The following TXNRD3 variants were observed in gnomAD, a reference collection of about 807,000 sequenced individuals.
The protein encoded by TXNRD3 is TXNRD3 neighbor gene protein.
In TXNRD3, 68 loss-of-function variants were observed where a neutral mutation model predicts 78.2. The observed-to-expected ratio is 0.87, with a 90% CI of 0.72 to 1.06. The LOEUF (loss-of-function observed/expected upper bound fraction) is 1.06. TXNRD3 is among the 50% of genes least tolerant of loss of function. The pLI is 0.00. For missense variants in TXNRD3, 751 were observed against 809.5 expected (o/e 0.93, Z 0.88); for synonymous variants, 296 against 300.1 (o/e 0.99, Z 0.14).
chr3:126,633,881 T>C (rs1311142827), intron 7 of TXNRD3, 28 bp downstream of exon 7: 21 of 1,445,040 alleles, frequency 1.5e-5, no homozygotes, highest in Non-Finnish European at 1.8e-5. Context: ...AGAAAGGAGA[T>C]GAACAAGACA....
rs896697173 is a variant in TXNRD3 at position 126,646,280 on chromosome 3, TAAAC to T, written c.305-64_305-61del. ...AAAAGAGTTTCAAATCTTTGTGAGT[TAAAC>T]AAAGTGTTACAACACTCAAATGTTC... On this transcript the variant is annotated intron_variant, in intron 2 of 15. Coordinates refer to ENST00000524230, the MANE Select transcript of TXNRD3 (RefSeq NM_052883.3). 5.2e-4 allele frequency: 658 copies of T among 1,271,512 alleles called. 2 individuals are homozygous for T. Among genetic ancestry groups the T allele is most frequent in the South Asian group, 9.6e-4 (65 of 67,684 alleles). The allele number at this position is 1,271,512 out of a possible 1,614,324, so 78.8% of individuals were successfully genotyped here.
chr3:126,644,292 C>T lies in TXNRD3; in HGVS notation c.519+5G>A. 1 of 1,534,516 alleles carries T rather than the reference C, an allele frequency of 6.5e-7. No homozygotes were observed. The highest frequency in any genetic ancestry group is 1.2e-5 in the South Asian group (1 of 83,956). ...TATCTACGAGTTTCATTTCTATATT[C>T]ATACCTTCGCACATGAAAGGCCTCC... On this transcript the variant is annotated splice_donor_5th_base_variant and intron_variant, in intron 4 of 15. Transcript: ENST00000524230.
At chr3:126,622,315 T>G in intron 11 of TXNRD3, 149 bp downstream of exon 11, 1 of 559,356 alleles carries the variant, frequency 1.8e-6, no homozygotes, top group Non-Finnish European at 3.0e-6. Context: ...AGTTACTGAT[T>G]GATGAAGAAA....
intron 12 of TXNRD3, among the ~76,000 whole-genome samples, 171 bp from the exon 13 acceptor site, chr3:126,615,633 G>C (rs1324573788): frequency 6.6e-6 from 1 of 152,118 alleles, no homozygotes; most frequent in Non-Finnish European, 1.5e-5. Context: ...ATCTGGGATG[G>C]GCCCCTGACT....
chr3:126,609,072 G>A, intron 14 of TXNRD3: 1 of 329,786 alleles, frequency 3.0e-6, no homozygotes. Flanking sequence ...CAAAGGAGAG[G>A]CTGGTGCAGG....
chr3:126,653,830 C>G (rs1933444551), intron 1 of TXNRD3, among the ~76,000 whole-genome samples: 1 of 152,078 alleles, frequency 6.6e-6, no homozygotes, highest in Non-Finnish European at 1.5e-5. Context: ...CGATTCATCC[C>G]AGGGAATAGT....
chr3:126,648,872 G>A (rs1933303129), intron 1 of TXNRD3, among the ~76,000 whole-genome samples: 1 of 152,190 alleles, frequency 6.6e-6, no homozygotes, highest in African/African-American at 2.4e-5. Flanking sequence ...TGAAACTCTT[G>A]TTCATCAAAG....
At chr3:126,627,118 C>A (rs971853023) in intron 10 of TXNRD3, among the ~76,000 whole-genome samples, 2 of 152,076 alleles carry the variant, frequency 1.3e-5, no homozygotes, top group Non-Finnish European at 2.9e-5. Flanking sequence ...AAGCTTTCCA[C>A]AAAGAATCTT....
At chr3:126,643,533 A>G (rs1364510606) in intron 5 of TXNRD3, among the ~76,000 whole-genome samples, 2 of 152,212 alleles carry the variant, frequency 1.3e-5, no homozygotes, top group East Asian at 3.8e-4. Flanking sequence ...TTACGTGACC[A>G]CGACACAGTA....
At chr3:126,641,229 T>C (rs1292229647) in intron 6 of TXNRD3, among the ~76,000 whole-genome samples, 1 of 152,178 alleles carries the variant, frequency 6.6e-6, no homozygotes, top group African/African-American at 2.4e-5. Context: ...GGAGTTTTTT[T>C]CTGCTTGCTA....
chr3:126,646,229 GA>G lies in TXNRD3; in HGVS notation c.305-10del. 1.5e-5 allele frequency: 22 copies of G among 1,499,124 alleles called. No individual in the cohort carries two copies. The highest frequency in any genetic ancestry group is 1.8e-5 in the Non-Finnish European group (21 of 1,135,972). 92.9% of individuals were successfully genotyped at this position (1,499,124 alleles called of 1,614,324 possible). On this transcript the variant is annotated splice_polypyrimidine_tract_variant and intron_variant, in intron 2 of 15. Coordinates refer to ENST00000524230, the MANE Select transcript of TXNRD3 (RefSeq NM_052883.3). The stretch of plus-strand genomic sequence containing the variant: ...AACCCTGGCCCCATCATCTAAAGAA[GA>G]AAAAAACTATATATAAAAACACTGA...
chr3:126,637,932 C>CTCTTTTTT lies in TXNRD3; in HGVS notation c.713-3882_713-3881insAAAAAAGA, dbSNP rs1444254294. On this transcript the variant is annotated intron_variant, in intron 6 of 15. Transcript: ENST00000524230. ...CTTATTTTAACCTATATTTCTCTCT[C>CTCTTTTTT]TTTTTTTTTTTTTTTTTTTTTTTTT... 5.3e-4 allele frequency among the ~76,000 whole-genome samples: 32 copies of CTCTTTTTT among 60,232 alleles called. 1 individual carries two copies. Among genetic ancestry groups the CTCTTTTTT allele is most frequent in the South Asian group, 1.7e-3 (2 of 1,204 alleles). The allele number at this position is 60,232 out of a possible 152,430, so 39.5% of individuals were successfully genotyped here.
At chr3:126,653,728 A>G (rs1289000340) in intron 1 of TXNRD3, among the ~76,000 whole-genome samples, 2 of 152,228 alleles carry the variant, frequency 1.3e-5, no homozygotes, top group East Asian at 3.9e-4. Flanking sequence ...TCTTTTATAA[A>G]TGCGCTGGGA....
At chr3:126,631,203 A>T (rs1223380312) in intron 8 of TXNRD3, among the ~76,000 whole-genome samples, 2 of 25,740 alleles carry the variant, frequency 7.8e-5, no homozygotes, top group Non-Finnish European at 2.6e-4. Flanking sequence ...TACATGTGAT[A>T]AAAAAAAAAA....
intron 11 of TXNRD3, 75 bp from the exon 12 acceptor site, chr3:126,621,973 C>A: frequency 8.2e-7 from 1 of 1,225,378 alleles, no homozygotes; most frequent in Non-Finnish European, 1.1e-6. Context: ...TACTATTAGC[C>A]AAAAGACTAA....
Position 126,633,893 on chromosome 3 carries a change from G to C in TXNRD3, c.855+16C>G. On this transcript the variant is annotated intron_variant, in intron 7 of 15. Coordinates refer to ENST00000524230, the MANE Select transcript of TXNRD3 (RefSeq NM_052883.3). ...TAAAGAAAGGAGATGAACAAGACAA[G>C]AAACTCAAGCACTACCTTTATTTTA... The C allele has an allele frequency of 1.4e-6, 2 of 1,461,084 alleles. No homozygotes were observed. Among genetic ancestry groups the C allele is most frequent in the Non-Finnish European group, 1.8e-6 (2 of 1,111,846 alleles). 90.5% of individuals were successfully genotyped at this position (1,461,084 alleles called of 1,614,324 possible). A position where few individuals can be genotyped will look rare whatever the true frequency, so the allele number is the denominator to read the frequency against.
At chr3:126,620,465 T>C (rs559891033) in intron 12 of TXNRD3, among the ~76,000 whole-genome samples, 6 of 152,084 alleles carry the variant, frequency 3.9e-5, no homozygotes, top group African/African-American at 1.4e-4. Flanking sequence ...TAGAGAAAAA[T>C]GTCATTGATG....
At chr3:126,644,813 G>A (rs537348272) in intron 3 of TXNRD3, among the ~76,000 whole-genome samples, 67 of 152,266 alleles carry the variant, frequency 4.4e-4, no homozygotes, top group Non-Finnish European at 7.8e-4. Context: ...TGCATTATCA[G>A]CAAATTTTGT....
At chr3:126,617,925 A>C (rs2107612136) in intron 12 of TXNRD3, among the ~76,000 whole-genome samples, 1 of 152,360 alleles carries the variant, frequency 6.6e-6, no homozygotes, top group Middle Eastern at 3.4e-3. Flanking sequence ...TCTATACACC[A>C]ATAACAAACT....
Sources: allele counts gnomAD v4.1 joint callset (sites outside exome capture counted in the v4.1 genomes callset), GRCh38; gene constraint gnomAD v4.1.1; transcripts MANE v1.5; gene names NCBI Gene and HGNC (gene_info 2026-07-23, HGNC 2026-07-21).